The following AGPAT3 variants were observed in gnomAD, a reference collection of about 807,000 sequenced individuals.
AGPAT3 encodes the protein 1-acylglycerol-3-phosphate O-acyltransferase 3, also known as 1-acyl-sn-glycerol-3-phosphate acyltransferase gamma.
AGPAT3 carries 5 observed loss-of-function variants against 47.3 expected under a neutral mutation model. The ratio of observed to expected loss-of-function variants is 0.11; its 90% confidence interval spans 0.06 to 0.22. The LOEUF (loss-of-function observed/expected upper bound fraction) is 0.22, where lower values mean the gene tolerates loss of function less well. AGPAT3 is among the 10% of genes least tolerant of loss of function. The pLI is 1.00. For synonymous variants in AGPAT3, 212 were observed against 208.3 expected (o/e 1.02, Z -0.15); for missense variants, 315 against 493.0 (o/e 0.64, Z 3.42).
At chr21:43,976,852 C>T (rs79918873) in intron 7 of AGPAT3, among the ~76,000 whole-genome samples, 13,122 of 152,260 alleles carry the variant, frequency 0.086, 601 homozygotes, top group Middle Eastern at 0.11. Flanking sequence ...GCGCTGTGGA[C>T]GTGGCAGCCC....
intron 1 of AGPAT3, among the ~76,000 whole-genome samples, chr21:43,865,693 C>CCCGGG (rs1032443091): frequency 1.3e-5 from 2 of 150,622 alleles, no homozygotes; most frequent in African/African-American, 4.9e-5. Context: ...CCGGGAGGGG[C>CCCGGG]CCGGGCCGGG....
At chr21:43,885,113 G>T (rs1353079192) in intron 1 of AGPAT3, among the ~76,000 whole-genome samples, 1 of 152,236 alleles carries the variant, frequency 6.6e-6, no homozygotes, top group Non-Finnish European at 1.5e-5. Flanking sequence ...ACACTGGCCG[G>T]CCGTGCTCCC....
At position 43,952,106 on chromosome 21, in the gene AGPAT3, G is replaced by A. The variant is rs561536745; in HGVS notation, c.-48-7528G>A. 7.2e-5 allele frequency among the ~76,000 whole-genome samples: 11 copies of A among 152,196 alleles called. No individual in the cohort carries two copies. Among genetic ancestry groups the A allele is most frequent in the Admixed American group, 1.3e-4 (2 of 15,296 alleles). On this transcript the variant is annotated intron_variant, in intron 2 of 9. Coordinates refer to ENST00000291572, the MANE Select transcript of AGPAT3 (RefSeq NM_020132.5). The surrounding 1 kb of genome is among the most constrained non-coding windows in gnomAD (Gnocchi z 5.6). ...TGGGCCCGTACCTCTCCAGAACTAC[G>A]GACCTGGGATGAGGCGGCCTGTGAG...
chr21:43,970,823 C>A lies in AGPAT3; in HGVS notation c.664+17C>A. The A allele has an allele frequency of 6.6e-7, 1 of 1,522,740 alleles. No individual in the cohort carries two copies. 94.3% of individuals were successfully genotyped at this position (1,522,740 alleles called of 1,614,324 possible). On this transcript the variant is annotated intron_variant, in intron 6 of 9. Transcript: ENST00000291572. The surrounding 1 kb of genome is among the most constrained non-coding windows in gnomAD (Gnocchi z 5.8). ...GGGGGACAGGTAGGCCCCAGACTGC[C>A]CGAGCCGGGGCCACCGCTATGCTCA...
chr21:43,968,367 G>A (rs2089242940), intron 4 of AGPAT3, among the ~76,000 whole-genome samples: 1 of 150,914 alleles, frequency 6.6e-6, no homozygotes, highest in East Asian at 2.0e-4. Context: ...TCCAGGGGAG[G>A]TGCTGGGAGT....
chr21:43,971,701 C>T (rs558084090), intron 7 of AGPAT3, among the ~76,000 whole-genome samples: 1 of 152,326 alleles, frequency 6.6e-6, no homozygotes, highest in Admixed American at 6.5e-5. Flanking sequence ...TTGCAGGCCA[C>T]GGAGAGGACA....
chr21:43,895,107 A>AT (rs1166355093), intron 1 of AGPAT3, among the ~76,000 whole-genome samples: 2 of 149,904 alleles, frequency 1.3e-5, no homozygotes, highest in African/African-American at 4.9e-5. Flanking sequence ...TTTATTATTT[A>AT]TTTATTTTTT....
intron 7 of AGPAT3, 92 bp downstream of exon 7, chr21:43,971,582 C>T: frequency 8.5e-7 from 1 of 1,169,748 alleles, no homozygotes. Context: ...GGTCCAGGCC[C>T]CACGTCCCAC....
intron 3 of AGPAT3, among the ~76,000 whole-genome samples, chr21:43,961,576 A>C (rs1019984929): frequency 9.7e-5 from 11 of 113,648 alleles, no homozygotes; most frequent in Non-Finnish European, 1.8e-4. Flanking sequence ...GCGCGTAGAC[A>C]CTTTGTCTCG....
intron 7 of AGPAT3, 128 bp downstream of exon 7, chr21:43,971,618 G>A: frequency 1.2e-6 from 1 of 813,458 alleles, no homozygotes; most frequent in East Asian, 2.6e-5. Context: ...AACTCACACG[G>A]AAGGCCTGTC....
intron 3 of AGPAT3, among the ~76,000 whole-genome samples, chr21:43,961,824 C>T (rs2088880481): frequency 1.3e-5 from 2 of 151,984 alleles, no homozygotes; most frequent in South Asian, 4.1e-4. Context: ...TGGCCTGTAA[C>T]CTTGTCTGCA....
rs763645779 is a variant in AGPAT3 at position 43,952,660 on chromosome 21, T to G, written c.-48-6974T>G. ...TTCCGGGCAACCTAAATCTGTTGTT[T>G]AATGAAGACGCGCTGGCACCAAGCT... On this transcript the variant is annotated intron_variant, in intron 2 of 9. Coordinates refer to ENST00000291572, the MANE Select transcript of AGPAT3 (RefSeq NM_020132.5). The surrounding 1 kb of genome is among the most constrained non-coding windows in gnomAD (Gnocchi z 5.6). Among the ~76,000 whole-genome samples, 7 of 152,092 alleles carry G rather than the reference T, an allele frequency of 4.6e-5. No individual in the cohort carries two copies. Among genetic ancestry groups the G allele is most frequent in the Admixed American group, 3.9e-4 (6 of 15,274 alleles).
chr21:43,879,067 C>A (rs1209844324), intron 1 of AGPAT3, among the ~76,000 whole-genome samples: 1 of 152,078 alleles, frequency 6.6e-6, no homozygotes, highest in Non-Finnish European at 1.5e-5. Flanking sequence ...ATTCAACATG[C>A]CACTGGCTGC....
chr21:43,943,247 T>C (rs1487507042), intron 2 of AGPAT3, among the ~76,000 whole-genome samples: 1 of 152,092 alleles, frequency 6.6e-6, no homozygotes, highest in Non-Finnish European at 1.5e-5. Context: ...GCTAATTTTT[T>C]GTATTTTTAA....
chr21:43,875,140 C>T (rs1461791305), intron 1 of AGPAT3, among the ~76,000 whole-genome samples: 1 of 152,128 alleles, frequency 6.6e-6, no homozygotes, highest in African/African-American at 2.4e-5. Context: ...ACCACCACGC[C>T]TGGGGTAATT....
chr21:43,960,796 T>A (rs910972388), intron 3 of AGPAT3: 296 of 983,544 alleles, frequency 3.0e-4, no homozygotes, highest in Middle Eastern at 1.6e-3. Context: ...TATGATTCAT[T>A]TTGTGTCTTA....
In AGPAT3 at chr21:43,978,935, A is replaced by T. The variant is rs148072447; in HGVS notation, c.843+814A>T. Among the ~76,000 whole-genome samples the T allele has an allele frequency of 1.7e-3, 258 of 152,288 alleles. 1 individual carries two copies. The highest frequency in any genetic ancestry group is 6.0e-3 in the African/African-American group (248 of 41,566). ...TCCACTGTCGGCCTTGTGGGAGAGG[A>T]GATAACCAGGAAATCCTCCCAGGAT... On this transcript the variant is annotated intron_variant, in intron 8 of 9. Transcript: ENST00000291572.
In AGPAT3 at chr21:43,920,907, C is replaced by T. The variant is rs946375490; in HGVS notation, c.-49+16888C>T. 5.9e-5 allele frequency among the ~76,000 whole-genome samples: 9 copies of T among 151,916 alleles called. No homozygotes were observed. Among genetic ancestry groups the T allele is most frequent in the African/African-American group, 1.7e-4 (7 of 41,326 alleles). On this transcript the variant is annotated intron_variant, in intron 2 of 9. Coordinates refer to ENST00000291572, the MANE Select transcript of AGPAT3 (RefSeq NM_020132.5). The surrounding 1 kb of genome is among the most constrained non-coding windows in gnomAD (Gnocchi z 6.1). Reference sequence around the variant, plus strand: ...TTGGGAGGCTGAGGCGGGCAGATCACGAGGTCAGGAGATCAAGACCACGGT... The same window carrying T: ...TTGGGAGGCTGAGGCGGGCAGATCATGAGGTCAGGAGATCAAGACCACGGT...
At chr21:43,900,866 C>T (rs556308255) in intron 1 of AGPAT3, among the ~76,000 whole-genome samples, 4 of 152,140 alleles carry the variant, frequency 2.6e-5, no homozygotes, top group Non-Finnish European at 5.9e-5. Flanking sequence ...TTGACTGCTC[C>T]CAGAACAAAG....
Sources: gnomAD v4.1 joint callset for allele counts (sites outside exome capture counted in the v4.1 genomes callset) on GRCh38, gnomAD v4.1.1 for gene constraint, Gnocchi (gnomAD v3.1) non-coding constraint, MANE v1.5 for transcripts, NCBI Gene and HGNC (gene_info 2026-07-23, HGNC 2026-07-21) for gene names.